The following APP variants were observed in gnomAD, a reference collection of about 807,000 sequenced individuals.
APP encodes amyloid-beta precursor protein.
In APP, 31 loss-of-function variants were observed where a neutral mutation model predicts 101.4. That is an observed-to-expected ratio of 0.31 (90% confidence interval 0.23 to 0.41). The LOEUF (loss-of-function observed/expected upper bound fraction) is 0.41, where lower values mean the gene tolerates loss of function less well. Ranked by LOEUF, APP falls within the 10% of genes least tolerant of loss-of-function variation. APP has a pLI of 1.00. For missense variants in APP, 839 were observed against 1,003.7 expected (o/e 0.84, Z 2.22); for synonymous variants, 366 against 364.4 (o/e 1.00, Z -0.05).
chr21:26,125,714 C>A (rs2062668878), intron 1 of APP, among the ~76,000 whole-genome samples: 1 of 152,136 alleles, frequency 6.6e-6, no homozygotes, highest in Admixed American at 6.5e-5. Context: ...TCACTACCTC[C>A]CTGATTTATT....
intron 2 of APP, among the ~76,000 whole-genome samples, chr21:26,094,314 T>C (rs1006649218): frequency 1.3e-5 from 2 of 152,040 alleles, no homozygotes; most frequent in Admixed American, 1.3e-4. Flanking sequence ...GGGAGAACAT[T>C]AGCAATCAAG....
At chr21:26,121,362 A>G (rs1427705956) in intron 1 of APP, among the ~76,000 whole-genome samples, 1 of 151,982 alleles carries the variant, frequency 6.6e-6, no homozygotes, top group African/African-American at 2.4e-5. Flanking sequence ...GGTACCTCAC[A>G]CAACACCTGG....
At chr21:25,957,389 G>A (rs1192028951) in intron 11 of APP, among the ~76,000 whole-genome samples, 1 of 152,176 alleles carries the variant, frequency 6.6e-6, no homozygotes, top group Non-Finnish European at 1.5e-5. Flanking sequence ...AAACATCAGA[G>A]ATTAAAGGCT....
intron 1 of APP, among the ~76,000 whole-genome samples, chr21:26,157,730 T>A (rs138298887): frequency 6.6e-6 from 1 of 152,224 alleles, no homozygotes; most frequent in Non-Finnish European, 1.5e-5. Context: ...AATTTTAAAA[T>A]GGCAGTCCCA....
chr21:26,119,825 A>C (rs2062525019), intron 1 of APP, among the ~76,000 whole-genome samples: 1 of 152,210 alleles, frequency 6.6e-6, no homozygotes, highest in Admixed American at 6.5e-5. Flanking sequence ...AGGACTTGGT[A>C]ACTGGGCTCC....
intron 2 of APP, among the ~76,000 whole-genome samples, chr21:26,099,539 C>T (rs2062014072): frequency 6.6e-6 from 1 of 152,196 alleles, no homozygotes; most frequent in African/African-American, 2.4e-5. Context: ...AAATTTTAAA[C>T]TACTCGGACT....
chr21:26,020,714 A>G (rs1339138098), intron 6 of APP, among the ~76,000 whole-genome samples: 2 of 152,234 alleles, frequency 1.3e-5, no homozygotes, highest in Non-Finnish European at 2.9e-5. Flanking sequence ...TGCCAAGCAG[A>G]TGGCAGATAT....
chr21:25,957,117 C>T (rs534555552), intron 11 of APP, among the ~76,000 whole-genome samples: 313 of 152,260 alleles, frequency 2.1e-3, no homozygotes, highest in Non-Finnish European at 3.1e-3. Context: ...ACAACTTGGG[C>T]TCATCTGCCT....
At chr21:26,001,449 C>T (rs2043289954) in intron 6 of APP, among the ~76,000 whole-genome samples, 1 of 152,198 alleles carries the variant, frequency 6.6e-6, no homozygotes, top group Non-Finnish European at 1.5e-5. Flanking sequence ...GGAAAAAACA[C>T]CTTTCTAAAA....
intron 3 of APP, among the ~76,000 whole-genome samples, chr21:26,060,988 G>T (rs2046245203): frequency 6.6e-6 from 1 of 152,210 alleles, no homozygotes; most frequent in Non-Finnish European, 1.5e-5. Context: ...AGGCTCTGGG[G>T]TGGTTTTCTA....
At chr21:26,163,102 G>A (rs781524568) in intron 1 of APP, among the ~76,000 whole-genome samples, 20 of 149,986 alleles carry the variant, frequency 1.3e-4, no homozygotes, top group Non-Finnish European at 1.3e-4. Context: ...TTAGCCAGGC[G>A]TGGTGGCACA....
chr21:25,952,191 TAC>T (rs57270357), intron 13 of APP, among the ~76,000 whole-genome samples: 1,742 of 139,800 alleles, frequency 0.012, 10 homozygotes, highest in African/African-American at 0.019. Context: ...ATTACATACA[TAC>T]ACACACACAC....
At chr21:25,912,407 C>T (rs562768178) in intron 13 of APP, among the ~76,000 whole-genome samples, 2 of 152,346 alleles carry the variant, frequency 1.3e-5, no homozygotes, top group Non-Finnish European at 2.9e-5. Flanking sequence ...AGACAATCTC[C>T]TGTCTTGCCT....
At chr21:25,892,674 A>G (rs1474558350) in intron 16 of APP, among the ~76,000 whole-genome samples, 1 of 152,216 alleles carries the variant, frequency 6.6e-6, no homozygotes, top group Non-Finnish European at 1.5e-5. Context: ...ACATAAAAAT[A>G]ATTTTGAGAA....
chr21:26,046,960 CATT>C (rs1034966745), intron 5 of APP, among the ~76,000 whole-genome samples: 16 of 152,246 alleles, frequency 1.1e-4, no homozygotes, highest in African/African-American at 2.9e-4. Context: ...TTATTATTAA[CATT>C]ATGCTACATA....
intron 2 of APP, among the ~76,000 whole-genome samples, chr21:26,095,668 T>C (rs182675362): frequency 2.0e-5 from 3 of 152,292 alleles, no homozygotes; most frequent in East Asian, 3.9e-4. Flanking sequence ...TCTGCAGATA[T>C]AGGAGGACTA....
intron 3 of APP, among the ~76,000 whole-genome samples, chr21:26,077,174 C>T (rs948664779): frequency 2.0e-5 from 3 of 152,214 alleles, no homozygotes; most frequent in East Asian, 1.9e-4. Flanking sequence ...CCTCCTTGAT[C>T]GATTTCTCCA....
chr21:25,987,975 T>C (rs563393812), intron 8 of APP, among the ~76,000 whole-genome samples: 1 of 152,198 alleles, frequency 6.6e-6, no homozygotes, highest in East Asian at 1.9e-4. Context: ...ATTTGTATTA[T>C]GGAGAAAAAG....
intron 17 of APP, among the ~76,000 whole-genome samples, chr21:25,887,806 G>A (rs771448320): frequency 2.0e-5 from 3 of 152,176 alleles, no homozygotes; most frequent in Non-Finnish European, 4.4e-5. Context: ...TGTAGCCCAG[G>A]TGTGTAGCAG....
Sources: allele counts gnomAD v4.1 joint callset (sites outside exome capture counted in the v4.1 genomes callset), GRCh38; gene constraint gnomAD v4.1.1; transcripts MANE v1.5; gene names NCBI Gene and HGNC (gene_info 2026-07-23, HGNC 2026-07-21).